The following PCDHGA2 variants were observed in gnomAD, a reference collection of about 807,000 sequenced individuals.
PCDHGA2 encodes the protein protocadherin gamma subfamily A, 2.
Under a neutral mutation model 59.2 loss-of-function variants are expected in PCDHGA2, and 40 were observed. That is an observed-to-expected ratio of 0.68 (90% CI 0.52 to 0.88). The LOEUF (loss-of-function observed/expected upper bound fraction) is 0.88. PCDHGA2 is among the 40% of genes least tolerant of loss of function. The pLI is 0.00. For synonymous variants in PCDHGA2, 560 were observed against 526.0 expected (o/e 1.06, Z -0.89); for missense variants, 1,226 against 1,204.0 (o/e 1.02, Z -0.27).
At chr5:141,361,802 A>G (rs368923177) in intron 1 of PCDHGA2, 19 of 1,613,052 alleles carry the variant, frequency 1.2e-5, no homozygotes, top group African/African-American at 9.3e-5. Flanking sequence ...GGCGACCTCA[A>G]TGACAATGCG....
intron 1 of PCDHGA2, chr5:141,419,861 T>G (rs749551833): frequency 6.2e-7 from 1 of 1,614,098 alleles, no homozygotes; most frequent in Non-Finnish European, 8.5e-7. Context: ...CGCAGATAGC[T>G]TGCAAGAGGT....
At chr5:141,364,869 T>G (rs1187168738) in intron 1 of PCDHGA2, 1 of 1,613,998 alleles carries the variant, frequency 6.2e-7, no homozygotes, top group East Asian at 2.2e-5. Flanking sequence ...CACTTCTCTC[T>G]GGATGTGGTA....
intron 1 of PCDHGA2, chr5:141,351,855 A>C (rs760608746): frequency 6.2e-7 from 1 of 1,613,236 alleles, no homozygotes; most frequent in South Asian, 1.1e-5. Context: ...CAGGCCAGGG[A>C]CCAGGGCTCC....
intron 1 of PCDHGA2, chr5:141,427,807 A>C (rs1443881781): frequency 6.6e-7 from 1 of 1,522,050 alleles, no homozygotes; most frequent in South Asian, 1.1e-5. Flanking sequence ...GTGAGCGCAC[A>C]GAGCGGGGTG....
intron 1 of PCDHGA2, chr5:141,407,908 G>C (rs1431775491): frequency 2.4e-6 from 1 of 420,166 alleles, no homozygotes; most frequent in Non-Finnish European, 4.2e-6. Flanking sequence ...ATGAAAAACC[G>C]GGCTGCTGTC....
rs374663576 is a variant in PCDHGA2, at chr5:141,489,905, G to T, written c.2425-4902G>T. On this transcript the variant is annotated intron_variant, in intron 1 of 3. Coordinates refer to ENST00000394576, the MANE Select transcript of PCDHGA2 (RefSeq NM_018915.4). The surrounding 1 kb of genome is among the most constrained non-coding windows in gnomAD (Gnocchi z 4.5). ...GCTGTGGATGGGGGGACCCCAGCCC[G>T]CTCAGGGACCACCCTTATCTCTGTC... The T allele has an allele frequency of 9.7e-5, 156 of 1,614,226 alleles. 3 individuals are homozygous for T. The South Asian group carries it at 1.6e-3, about 16-fold the overall frequency.
intron 1 of PCDHGA2, chr5:141,371,021 C>T (rs1767401708): frequency 1.2e-6 from 2 of 1,614,026 alleles, no homozygotes; most frequent in South Asian, 2.2e-5. Flanking sequence ...CACATCACCA[C>T]CTGGTCCTCA....
At chr5:141,361,057 G>T (rs768644219) in intron 1 of PCDHGA2, 2 of 1,613,830 alleles carry the variant, frequency 1.2e-6, no homozygotes, top group Non-Finnish European at 1.7e-6. Context: ...GGATGATTTG[G>T]ATTTTGAGAT....
At chr5:141,397,267 A>G (rs1411112086) in intron 1 of PCDHGA2, among the ~76,000 whole-genome samples, 1 of 152,230 alleles carries the variant, frequency 6.6e-6, no homozygotes, top group East Asian at 1.9e-4. Flanking sequence ...TCTTAGCTAC[A>G]TCATATGGGC....
At chr5:141,395,478 T>G in intron 1 of PCDHGA2, 1 of 546,140 alleles carries the variant, frequency 1.8e-6, no homozygotes, top group Non-Finnish European at 3.1e-6. Context: ...CAGTATTTTA[T>G]TCCTATTATC....
Position 141,476,698 on chromosome 5 carries a change from G to C in PCDHGA2, c.2425-18109G>C, listed in dbSNP as rs2075661. Reference sequence around the variant, plus strand: ...CGCGGGAGGACAGCACCAAGTACGCGGAGCTGGTGTTGGAGCGCGCCCTGG... The same window carrying C: ...CGCGGGAGGACAGCACCAAGTACGCCGAGCTGGTGTTGGAGCGCGCCCTGG... On this transcript the variant is annotated intron_variant, in intron 1 of 3. Transcript: ENST00000394576. The surrounding 1 kb of genome is among the most constrained non-coding windows in gnomAD (Gnocchi z 7.6). The C allele has an allele frequency of 0.2, 326,683 of 1,614,030 alleles. 35,085 individuals carry two copies. Among genetic ancestry groups the C allele is most frequent in the Admixed American group, 0.37 (22,021 of 59,992 alleles).
At position 141,487,934 on chromosome 5, in the gene PCDHGA2, C is replaced by G; in HGVS notation, c.2425-6873C>G. 4.9e-6 allele frequency: 3 copies of G among 607,674 alleles called. No individual in the cohort carries two copies. Among genetic ancestry groups the G allele is most frequent in the Non-Finnish European group, 5.8e-6 (2 of 347,576 alleles). The allele number at this position is 607,674 out of a possible 1,614,324, so 37.6% of individuals were successfully genotyped here. A position where few individuals can be genotyped will look rare whatever the true frequency, so the allele number is the denominator to read the frequency against. On this transcript the variant is annotated intron_variant, in intron 1 of 3. Transcript: ENST00000394576. The surrounding 1 kb of genome is among the most constrained non-coding windows in gnomAD (Gnocchi z 5.0). ...ACAGGAGGCTACAGTGCACAGGGTA[C>G]AGTGCACCAGGCAGTCACTTGGACA... is the stretch of plus-strand genomic sequence containing the variant.
chr5:141,497,804 T>G (rs1196976996), intron 2 of PCDHGA2, among the ~76,000 whole-genome samples: 1 of 152,186 alleles, frequency 6.6e-6, no homozygotes, highest in Non-Finnish European at 1.5e-5. Context: ...CTTCCCAAAG[T>G]GCTAGAATTA....
At chr5:141,457,560 G>A (rs1466753974) in intron 1 of PCDHGA2, among the ~76,000 whole-genome samples, 1 of 152,162 alleles carries the variant, frequency 6.6e-6, no homozygotes, top group African/African-American at 2.4e-5. Flanking sequence ...ATAAGCTTTG[G>A]AGCAAAATTT....
At chr5:141,416,186 T>G (rs904230611) in intron 1 of PCDHGA2, 2 of 152,474 alleles carry the variant, frequency 1.3e-5, no homozygotes, top group African/African-American at 4.8e-5. Flanking sequence ...TTCATTAATA[T>G]TGAATTAACA....
intron 1 of PCDHGA2, among the ~76,000 whole-genome samples, chr5:141,446,338 G>T (rs964323259): frequency 6.6e-6 from 1 of 152,128 alleles, no homozygotes; most frequent in African/African-American, 2.4e-5. Flanking sequence ...GGAACTGGAT[G>T]GACAAAGCTA....
intron 1 of PCDHGA2, among the ~76,000 whole-genome samples, chr5:141,397,434 A>G (rs1343347268): frequency 1.3e-5 from 2 of 152,238 alleles, no homozygotes; most frequent in African/African-American, 4.8e-5. Context: ...TTTCCCTAAT[A>G]TGTGTAATAT....
chr5:141,451,955 A>T (rs1004010741), intron 1 of PCDHGA2, among the ~76,000 whole-genome samples: 2 of 152,196 alleles, frequency 1.3e-5, no homozygotes, highest in Admixed American at 1.3e-4. Flanking sequence ...CGAGAAAGTG[A>T]CATACCATCA....
chr5:141,499,616 C>T (rs538268323), intron 2 of PCDHGA2, among the ~76,000 whole-genome samples: 2 of 152,058 alleles, frequency 1.3e-5, no homozygotes, highest in South Asian at 4.2e-4. Context: ...CTTATCCTGT[C>T]CTTGGATTCT....
Sources: gnomAD v4.1 joint callset for allele counts (sites outside exome capture counted in the v4.1 genomes callset) on GRCh38, gnomAD v4.1.1 for gene constraint, Gnocchi (gnomAD v3.1) non-coding constraint, MANE v1.5 for transcripts, NCBI Gene and HGNC (gene_info 2026-07-23, HGNC 2026-07-21) for gene names.